Variants in NXPE2 observed in about 807,000 individuals in gnomAD.
The protein encoded by NXPE2 is NXPE family member 2.
Under a neutral mutation model 34.4 loss-of-function variants are expected in NXPE2, and 34 were observed. That is an observed-to-expected ratio of 0.99 (90% CI 0.75 to 1.31). The LOEUF is 1.31. Ranked by LOEUF, NXPE2 falls within the 40% of genes most tolerant of loss-of-function variation. The pLI, the probability that NXPE2 is intolerant of heterozygous loss-of-function variation, is 0.00. For synonymous variants in NXPE2, 235 were observed against 231.3 expected, an observed-to-expected ratio of 1.02 and a Z score of -0.15; for missense variants, 649 against 672.5, an observed-to-expected ratio of 0.97 and a Z score of 0.39.
chr11:114,737,466 A>G, the NXPE2 span, among the ~76,000 whole-genome samples: 2 of 152,164 alleles, frequency 1.3e-5, no homozygotes, highest in Non-Finnish European at 2.9e-5. Flanking sequence ...TGAATTTAAA[A>G]TATTTATTTA....
At chr11:114,625,470 C>T in the NXPE2 span, among the ~76,000 whole-genome samples, 1,582 of 151,176 alleles carry the variant, frequency 0.01, 22 homozygotes, top group African/African-American at 0.036. Context: ...CACTGTCACC[C>T]GGTGGATAAT....
chr11:114,535,062 A>T, the NXPE2 span, among the ~76,000 whole-genome samples: 1 of 152,242 alleles, frequency 6.6e-6, no homozygotes, highest in African/African-American at 2.4e-5. Flanking sequence ...AGGGAAGCCC[A>T]TCAGACTAAC....
chr11:114,636,883 G>T, the NXPE2 span, among the ~76,000 whole-genome samples: 3 of 152,142 alleles, frequency 2.0e-5, no homozygotes, highest in East Asian at 3.9e-4. Context: ...TTATTTCCAA[G>T]TATATGGTCA....
the NXPE2 span, chr11:114,523,182 C>T: frequency 2.2e-6 from 2 of 905,218 alleles, no homozygotes; most frequent in Non-Finnish European, 3.5e-6. Context: ...GCTCTCTTTC[C>T]CCCTTCCTGT....
chr11:114,761,870 G>A, the NXPE2 span, among the ~76,000 whole-genome samples: 9 of 151,984 alleles, frequency 5.9e-5, no homozygotes, highest in Non-Finnish European at 8.8e-5. Flanking sequence ...CACCGCGCCC[G>A]GCCGCCAAGC....
At chr11:114,683,741 C>T (rs1005509915) in intron 2 of NXPE2, among the ~76,000 whole-genome samples, 2 of 152,046 alleles carry the variant, frequency 1.3e-5, no homozygotes, top group African/African-American at 2.4e-5. Flanking sequence ...GTCTCTGGTA[C>T]ATAGTAGATA....
At chr11:114,640,354 A>G in the NXPE2 span, among the ~76,000 whole-genome samples, 1 of 149,316 alleles carries the variant, frequency 6.7e-6, no homozygotes, top group Admixed American at 6.8e-5. Context: ...TAAATGTAGC[A>G]TATATATGCT....
At chr11:114,633,358 TA>T in the NXPE2 span, among the ~76,000 whole-genome samples, 5 of 142,786 alleles carry the variant, frequency 3.5e-5, no homozygotes, top group East Asian at 1.0e-3. Flanking sequence ...TTATATTATA[TA>T]TACTATATAA....
the NXPE2 span, among the ~76,000 whole-genome samples, chr11:114,622,671 T>C: frequency 1.3e-5 from 2 of 152,020 alleles, no homozygotes; most frequent in Admixed American, 6.6e-5. Context: ...ACCCGGTGGA[T>C]AATAAATGTT....
chr11:114,752,641 G>A, the NXPE2 span, among the ~76,000 whole-genome samples: 3 of 152,168 alleles, frequency 2.0e-5, no homozygotes, highest in South Asian at 2.1e-4. Flanking sequence ...CACTGATTGG[G>A]CATGAGATGT....
chr11:114,567,683 A>T, the NXPE2 span, among the ~76,000 whole-genome samples: 4 of 152,034 alleles, frequency 2.6e-5, no homozygotes, highest in African/African-American at 4.8e-5. Flanking sequence ...GATGAGAAAG[A>T]TTATAACTGT....
the NXPE2 span, among the ~76,000 whole-genome samples, chr11:114,722,702 A>T: frequency 6.6e-6 from 1 of 152,210 alleles, no homozygotes; most frequent in African/African-American, 2.4e-5. Flanking sequence ...GCAGTGCTGC[A>T]TATGAGCACT....
At chr11:114,623,065 G>A in the NXPE2 span, among the ~76,000 whole-genome samples, 4 of 152,284 alleles carry the variant, frequency 2.6e-5, no homozygotes, top group South Asian at 4.1e-4. Context: ...TGCCTTGAGG[G>A]TAACCACTGT....
the NXPE2 span, among the ~76,000 whole-genome samples, chr11:114,524,065 G>T: frequency 1.3e-5 from 2 of 152,206 alleles, no homozygotes; most frequent in Non-Finnish European, 2.9e-5. Flanking sequence ...TTCTTACTGT[G>T]TGGCTTTAAT....
the NXPE2 span, among the ~76,000 whole-genome samples, chr11:114,741,034 C>G: frequency 0.42 from 64,008 of 151,916 alleles, 13,717 homozygotes; most frequent in East Asian, 0.49. Flanking sequence ...TTCAGCTTTC[C>G]TTTGTCTGGG....
chr11:114,731,756 A>G, the NXPE2 span, among the ~76,000 whole-genome samples: 3 of 152,258 alleles, frequency 2.0e-5, no homozygotes, highest in Non-Finnish European at 4.4e-5. Flanking sequence ...ATAGAACTAA[A>G]TACACATGTA....
the NXPE2 span, chr11:114,571,209 T>C: frequency 6.2e-7 from 1 of 1,613,944 alleles, no homozygotes; most frequent in African/African-American, 1.3e-5. Flanking sequence ...AATGGCTTTG[T>C]GGACATTGAG....
At chr11:114,713,854 C>T in the NXPE2 span, among the ~76,000 whole-genome samples, 1 of 152,196 alleles carries the variant, frequency 6.6e-6, no homozygotes, top group Admixed American at 6.5e-5. Flanking sequence ...CCAGTCTACA[C>T]CATGGATCGC....
chr11:114,522,402 G>A, the NXPE2 span: 3 of 1,613,904 alleles, frequency 1.9e-6, no homozygotes, highest in African/African-American at 2.7e-5. Context: ...GTGACGAAGG[G>A]ATAGCTATGT....
Sources: allele counts gnomAD v4.1 joint callset (sites outside exome capture counted in the v4.1 genomes callset), GRCh38; gene constraint gnomAD v4.1.1; transcripts MANE v1.5; gene names NCBI Gene and HGNC (gene_info 2026-07-23, HGNC 2026-07-21).